Variants in PER3 observed in about 807,000 individuals in gnomAD.
The protein encoded by PER3 is period circadian regulator 3.
A neutral mutation model predicts 127.2 loss-of-function variants in PER3; 107 were observed. That is an observed-to-expected ratio of 0.84 (90% CI 0.72 to 0.99). The LOEUF (loss-of-function observed/expected upper bound fraction) is 0.99, where lower values mean the gene tolerates loss of function less well. Among genes scored for constraint, PER3 ranks in the 50% least tolerant of loss-of-function variants. The probability of loss-of-function intolerance (pLI) is 0.00; values close to 1 mark genes in which losing one functional copy is unlikely to be tolerated. For synonymous variants in PER3, 618 were observed against 585.8 expected (o/e 1.05, Z -0.79); for missense variants, 1,560 against 1,525.8 (o/e 1.02, Z -0.37).
At chr1:7,812,624 C>CAAA (rs35962033) in intron 13 of PER3, among the ~76,000 whole-genome samples, 3,838 of 85,264 alleles carry the variant, frequency 0.045, 302 homozygotes, top group East Asian at 0.23. Context: ...GACTCCGTCT[C>CAAA]AAAAAAAAAA....
intron 5 of PER3, among the ~76,000 whole-genome samples, chr1:7,790,583 A>G (rs1255487561): frequency 1.3e-5 from 2 of 152,148 alleles, no homozygotes; most frequent in Admixed American, 6.5e-5. Context: ...ACGTCCTCAC[A>G]TTTCAAAATG....
chr1:7,836,937 T>A, intron 20 of PER3, 62 bp from the exon 21 acceptor site: 1 of 1,343,078 alleles, frequency 7.4e-7, no homozygotes, highest in Non-Finnish European at 1.0e-6. Flanking sequence ...TATTCCTAGA[T>A]GACGGGAAAA....
chr1:7,791,769 A>G (rs918416395), intron 5 of PER3, among the ~76,000 whole-genome samples: 1 of 152,202 alleles, frequency 6.6e-6, no homozygotes, highest in African/African-American at 2.4e-5. Context: ...AAAGTTCCAC[A>G]GATCTCTAGG....
At chr1:7,802,801 G>C (rs910986590) in intron 8 of PER3, among the ~76,000 whole-genome samples, 3 of 152,170 alleles carry the variant, frequency 2.0e-5, no homozygotes, top group African/African-American at 4.8e-5. Flanking sequence ...CGAGACTGTG[G>C]ATCTGTATTT....
At chr1:7,841,651 G>A (rs2097389736) in intron 21 of PER3, among the ~76,000 whole-genome samples, 1 of 152,202 alleles carries the variant, frequency 6.6e-6, no homozygotes, top group Admixed American at 6.5e-5. Flanking sequence ...TGAGGAGACA[G>A]AGTCCTAGTC....
chr1:7,836,340 G>A (rs1476217525), intron 20 of PER3, among the ~76,000 whole-genome samples: 1 of 152,104 alleles, frequency 6.6e-6, no homozygotes, highest in African/African-American at 2.4e-5. Context: ...ACCACACCAA[G>A]CTAGTTTTTT....
At chr1:7,834,667 A>C (rs1250711302) in intron 19 of PER3, among the ~76,000 whole-genome samples, 2 of 152,192 alleles carry the variant, frequency 1.3e-5, no homozygotes, top group East Asian at 3.9e-4. Flanking sequence ...TGTGTTGCCC[A>C]GGCTGGTTTC....
intron 10 of PER3, among the ~76,000 whole-genome samples, chr1:7,805,487 A>G (rs550939451): frequency 6.6e-6 from 1 of 152,322 alleles, no homozygotes; most frequent in Admixed American, 6.5e-5. Flanking sequence ...GAGCACGTGT[A>G]GAACTTAATG....
rs1168313406 is a variant in PER3 at position 7,820,649 on chromosome 1, C to T, written c.1957+9C>T. The T allele has an allele frequency of 1.3e-6, 2 of 1,592,824 alleles. No homozygotes were observed. Among genetic ancestry groups the T allele is most frequent in the South Asian group, 1.1e-5 (1 of 88,084 alleles). The stretch of plus-strand genomic sequence containing the variant: ...CCCACCCCCAGAGACAGGTACCACA[C>T]TCGCCTCTTACTTTGAAAATATACT... On this transcript the variant is annotated intron_variant, in intron 16 of 21. Coordinates refer to ENST00000377532, the MANE Select transcript of PER3 (RefSeq NM_001377275.1).
chr1:7,811,754 T>C (rs1024377005), intron 13 of PER3: 2 of 152,152 alleles, frequency 1.3e-5, no homozygotes, highest in Non-Finnish European at 2.9e-5. Flanking sequence ...TCACATTGAG[T>C]TTTAAGTTGC....
In PER3 at chr1:7,827,283, C is replaced by T. The variant is rs1360417704; in HGVS notation, c.2354C>T (p.Ser785Phe). The change falls in exon 18 of 22, where the codon TCT becomes TTT. Residue 785 changes from serine to phenylalanine, a missense_variant. This residue lies in a region of PER3 where 1,332 missense variants were observed against 1,223.6 expected (regional missense o/e 1.09). Transcript: ENST00000377532. ...AQPCCPSAAS[S>F]PHTSSPTFPP... ...CCCTGCTGCCCCTCCGCGGCCTCCTCTCCGCACACCTCGAGCCCGACCTTC... is the reference window on the plus strand; with the variant it reads ...CCCTGCTGCCCCTCCGCGGCCTCCTTTCCGCACACCTCGAGCCCGACCTTC... 6.2e-7 allele frequency: 1 copy of T among 1,613,716 alleles called. No homozygotes were observed. The highest frequency in any genetic ancestry group is 8.5e-7 in the Non-Finnish European group (1 of 1,179,888).
chr1:7,814,791 G>A (rs915682677), intron 13 of PER3, among the ~76,000 whole-genome samples: 1 of 152,178 alleles, frequency 6.6e-6, no homozygotes, highest in Admixed American at 6.5e-5. Context: ...ACTACAGAGG[G>A]TGGGAGGAAG....
chr1:7,810,348 G>A (rs1465863434), intron 12 of PER3, 90 bp from the exon 13 acceptor site: 3 of 964,642 alleles, frequency 3.1e-6, no homozygotes, highest in Non-Finnish European at 4.7e-6. Context: ...TATCTTCAAA[G>A]AAACAGAAGC....
rs760414635 is a variant in PER3 at position 7,798,590 on chromosome 1, A to G, written c.710A>G (p.His237Arg). The change falls in exon 7 of 22, where the codon CAT (histidine) becomes CGT (arginine). Residue 237 changes from histidine (H) to arginine (R), a missense_variant. Coordinates refer to ENST00000377532, the MANE Select transcript of PER3 (RefSeq NM_001377275.1). ...SPFRIIPYLIHVHHPAQPELE... is the reference protein window; with the variant it reads ...SPFRIIPYLIRVHHPAQPELE... Reference sequence around the variant, plus strand: ...TTCCGGATCATCCCCTATCTGATTCATGTACATCACCCTGCCCAGCCAGAA... The same window carrying G: ...TTCCGGATCATCCCCTATCTGATTCGTGTACATCACCCTGCCCAGCCAGAA... 2.5e-6 allele frequency: 4 copies of G among 1,613,046 alleles called. No homozygotes were observed. Among genetic ancestry groups the G allele is most frequent in the South Asian group, 2.2e-5 (2 of 91,052 alleles).
chr1:7,815,175 C>T (rs532595097), intron 13 of PER3, among the ~76,000 whole-genome samples: 13 of 152,134 alleles, frequency 8.5e-5, no homozygotes, highest in African/African-American at 2.9e-4. Flanking sequence ...TAGTGGCTGG[C>T]ATATTTTAAT....
chr1:7,820,234 T>A lies in PER3; in HGVS notation c.1778T>A (p.Leu593Ter), dbSNP rs2097269886. Residue 593 changes from leucine to a stop codon, truncating the protein, a stop_gained, in exon 15 of 22, where the codon TTA becomes TAA. Transcript: ENST00000377532. LOFTEE classifies it high-confidence loss of function. ...CACAAGGCAGATGATGTCCAAGCCT[T>A]ACAAGGTAACAAGAATGCCCCTCAG... ...QNHKADDVQA[L>*]QAGLQIPAIP... 10 of 1,612,128 alleles carry A rather than the reference T, an allele frequency of 6.2e-6. No homozygotes were observed. Among genetic ancestry groups the A allele is most frequent in the Non-Finnish European group, 8.5e-6 (10 of 1,179,418 alleles).
chr1:7,836,652 T>TA (rs2097359916), intron 20 of PER3, among the ~76,000 whole-genome samples: 1 of 152,182 alleles, frequency 6.6e-6, no homozygotes, highest in Admixed American at 6.5e-5. Context: ...AAACAGATCT[T>TA]ACACATCATG....
chr1:7,827,614 G>T lies in PER3; in HGVS notation c.2685G>T (p.Met895Ile). 6.2e-7 allele frequency: 1 copy of T among 1,614,190 alleles called. No homozygotes were observed. Among genetic ancestry groups the T allele is most frequent in the African/African-American group, 1.3e-5 (1 of 75,038 alleles). Residue 895 changes from methionine to isoleucine, a missense_variant, in exon 18 of 22, where the codon ATG becomes ATT. This residue lies in a region of PER3 where 1,332 missense variants were observed against 1,223.6 expected (regional missense o/e 1.09). Coordinates refer to ENST00000377532, the MANE Select transcript of PER3 (RefSeq NM_001377275.1). Reference protein sequence around the residue: ...SAISPSMSSAMSPTLDPPPSV... With the variant: ...SAISPSMSSAISPTLDPPPSV... ...TATCACCCTCAATGTCGTCAGCAAT[G>T]AGTCCAACTCTGGACCCACCCCCTT...
At chr1:7,822,545 G>A (rs541403423) in intron 16 of PER3, among the ~76,000 whole-genome samples, 11 of 152,176 alleles carry the variant, frequency 7.2e-5, no homozygotes, top group South Asian at 2.1e-4. Flanking sequence ...GAGCCACAGC[G>A]TCCAGCCCTA....
Sources: gnomAD v4.1 joint callset for allele counts (sites outside exome capture counted in the v4.1 genomes callset) on GRCh38, gnomAD v4.1.1 for gene constraint, gnomAD v4.1.1 regional missense constraint, MANE v1.5 for transcripts, NCBI Gene and HGNC (gene_info 2026-07-23, HGNC 2026-07-21) for gene names.